STPG2: variants seen among roughly 807,000 people sequenced by gnomAD.
STPG2 encodes sperm-tail PG-rich repeat-containing protein 2.
STPG2 carries 56 observed loss-of-function variants against 54.2 expected under a neutral mutation model. The observed-to-expected ratio is 1.03, with a 90% CI of 0.83 to 1.29. STPG2 has a LOEUF of 1.29. STPG2 is among the 50% of genes most tolerant of loss of function. The pLI is 0.00. For synonymous variants in STPG2, 200 were observed against 181.8 expected (o/e 1.10, Z -0.81); for missense variants, 596 against 544.9 (o/e 1.09, Z -0.93).
chr4:98,032,927 A>G (rs553572090), intron 5 of STPG2, among the ~76,000 whole-genome samples: 1 of 152,352 alleles, frequency 6.6e-6, no homozygotes, highest in East Asian at 1.9e-4. Flanking sequence ...GATCTCTGGG[A>G]CACATTTAAA....
intron 9 of STPG2, among the ~76,000 whole-genome samples, chr4:97,727,106 T>C (rs1724648584): frequency 6.6e-6 from 1 of 151,874 alleles, no homozygotes; most frequent in Non-Finnish European, 1.5e-5. Flanking sequence ...TCAGAAGGAA[T>C]AGGTGAAAAT....
intron 9 of STPG2, among the ~76,000 whole-genome samples, chr4:97,797,598 T>A (rs572856271): frequency 6.6e-6 from 1 of 152,362 alleles, no homozygotes; most frequent in South Asian, 2.1e-4. Context: ...GCCAGTGTAT[T>A]ATTCATGATT....
chr4:97,466,962 A>C (rs1422141049), intron 4 of STPG2, among the ~76,000 whole-genome samples: 2 of 152,066 alleles, frequency 1.3e-5, no homozygotes, highest in Non-Finnish European at 2.9e-5. Flanking sequence ...CCAAGCTACT[A>C]TAGTCAAAAC....
chr4:97,528,730 T>C (rs939758927), intron 4 of STPG2, among the ~76,000 whole-genome samples: 2 of 152,126 alleles, frequency 1.3e-5, no homozygotes, highest in African/African-American at 4.8e-5. Flanking sequence ...TTGTAAGTTG[T>C]ATTCCTAGGT....
intron 7 of STPG2, among the ~76,000 whole-genome samples, chr4:97,954,842 A>G (rs1228501992): frequency 6.6e-6 from 1 of 152,222 alleles, no homozygotes; most frequent in Admixed American, 6.5e-5. Context: ...GGGCATGCCA[A>G]AAAACAGAAG....
intron 6 of STPG2, among the ~76,000 whole-genome samples, chr4:97,979,594 A>T (rs934387076): frequency 3.3e-5 from 5 of 152,158 alleles, no homozygotes; most frequent in African/African-American, 1.2e-4. Context: ...GACTTAGATG[A>T]CAAGACCCGG....
At chr4:97,449,213 G>A (rs1413638098) in intron 4 of STPG2, among the ~76,000 whole-genome samples, 1 of 152,076 alleles carries the variant, frequency 6.6e-6, no homozygotes, top group Non-Finnish European at 1.5e-5. Flanking sequence ...AAAGCAATAT[G>A]TACATTTTTG....
At chr4:98,096,289 C>T (rs974028673) in intron 5 of STPG2, among the ~76,000 whole-genome samples, 3 of 151,892 alleles carry the variant, frequency 2.0e-5, no homozygotes, top group African/African-American at 7.3e-5. Context: ...CCCAGCTACT[C>T]AGGAAGCTGA....
intron 5 of STPG2, among the ~76,000 whole-genome samples, chr4:98,021,817 T>A (rs1214883434): frequency 6.6e-6 from 1 of 152,026 alleles, no homozygotes; most frequent in African/African-American, 2.4e-5. Context: ...AAAGTCTCTT[T>A]TATCAGAGAC....
intron 4 of STPG2, among the ~76,000 whole-genome samples, chr4:97,543,779 C>G (rs1356758579): frequency 3.9e-5 from 6 of 151,980 alleles, no homozygotes; most frequent in Non-Finnish European, 7.4e-5. Context: ...TTGATCCAGT[C>G]TTTTTGAGAG....
chr4:97,452,114 G>GCCC (rs751089640), intron 4 of STPG2, among the ~76,000 whole-genome samples: 4 of 17,024 alleles, frequency 2.3e-4, no homozygotes, highest in African/African-American at 6.2e-4. Flanking sequence ...CAGGAGCCCC[G>GCCC]CCCCCACCCC....
chr4:97,880,689 C>A (rs1010996910), intron 8 of STPG2, among the ~76,000 whole-genome samples: 9 of 152,032 alleles, frequency 5.9e-5, no homozygotes, highest in Non-Finnish European at 1.2e-4. Context: ...ATACAAATTA[C>A]CCACTTCAGC....
rs181818770 is a variant in STPG2, at chr4:97,773,982, T to A, written c.1205-61168A>T. Among the ~76,000 whole-genome samples, 844 of 141,502 alleles carry A rather than the reference T, an allele frequency of 6.0e-3. 32 individuals are homozygous for A. The highest frequency in any genetic ancestry group is 1.5e-3 in the Non-Finnish European group (96 of 64,642). The allele number at this position is 141,502 out of a possible 152,430, so 92.8% of individuals were successfully genotyped here. ...CTGGGTAACATGGCAAGACTCTGCC[T>A]CTAAAATATAGGGTGTGTGTGTGTG... On this transcript the variant is annotated intron_variant, in intron 9 of 10. Coordinates refer to ENST00000295268, the MANE Select transcript of STPG2 (RefSeq NM_174952.3).
rs113245556 is a variant in STPG2 at position 97,569,293 on chromosome 4, T to C, written c.1321-10176A>G. On this transcript the variant is annotated intron_variant, in intron 10 of 10. Transcript: ENST00000295268. ...CTGGGAGTGTGTTTTAGCATACCAA[T>C]GCATTATAATTAGTGTACTATGAGC... 1.0e-3 allele frequency among the ~76,000 whole-genome samples: 155 copies of C among 152,296 alleles called. 1 individual carries two copies. Among genetic ancestry groups the C allele is most frequent in the Non-Finnish European group, 1.6e-3 (111 of 68,018 alleles).
chr4:98,094,227 C>A (rs911058386), intron 5 of STPG2, among the ~76,000 whole-genome samples: 7 of 152,146 alleles, frequency 4.6e-5, no homozygotes, highest in African/African-American at 1.7e-4. Flanking sequence ...AGCCTCCATT[C>A]CAGGCCCTAG....
intron 9 of STPG2, among the ~76,000 whole-genome samples, chr4:97,722,536 G>A (rs1724481211): frequency 6.6e-6 from 1 of 151,080 alleles, no homozygotes; most frequent in African/African-American, 2.4e-5. Flanking sequence ...CATTCTTTAG[G>A]GTTTAAAATG....
intron 5 of STPG2, among the ~76,000 whole-genome samples, chr4:98,077,423 A>G (rs2110112958): frequency 6.6e-6 from 1 of 152,118 alleles, no homozygotes; most frequent in South Asian, 2.1e-4. Context: ...TTTGTATTTA[A>G]CACGGGGTTT....
chr4:97,516,996 C>A (rs542884959), intron 4 of STPG2, among the ~76,000 whole-genome samples: 65 of 152,006 alleles, frequency 4.3e-4, no homozygotes, highest in Non-Finnish European at 4.7e-4. Flanking sequence ...CAACCTCCAC[C>A]TCCCGGTCTC....
At chr4:97,870,962 A>G (rs1436474101) in intron 8 of STPG2, among the ~76,000 whole-genome samples, 1 of 151,088 alleles carries the variant, frequency 6.6e-6, no homozygotes, top group Non-Finnish European at 1.5e-5. Flanking sequence ...AATATTAATG[A>G]CACTTCCTGA....
Sources: allele counts gnomAD v4.1 joint callset (sites outside exome capture counted in the v4.1 genomes callset), GRCh38; gene constraint gnomAD v4.1.1; transcripts MANE v1.5; gene names NCBI Gene and HGNC (gene_info 2026-07-23, HGNC 2026-07-21).